NCL: variants seen among roughly 807,000 people sequenced by gnomAD.
NCL encodes nucleolin multifunctional protein.
NCL carries 4 observed loss-of-function variants against 77.7 expected under a neutral mutation model. The observed-to-expected ratio is 0.05, with a 90% confidence interval of 0.03 to 0.12. NCL has a LOEUF of 0.12. NCL is among the 10% of genes least tolerant of loss of function. The probability of loss-of-function intolerance (pLI) is 1.00; values close to 1 mark genes in which losing one functional copy is unlikely to be tolerated. For missense variants in NCL, 763 were observed against 860.9 expected (o/e 0.89, Z 1.42); for synonymous variants, 344 against 297.8 (o/e 1.16, Z -1.60).
In NCL at chr2:231,458,933, T is replaced by C. The variant is rs144607312; in HGVS notation, c.1165+68A>G. 9.1e-5 allele frequency: 128 copies of C among 1,411,268 alleles called. No homozygotes were observed. In the African/African-American group the frequency reaches 1.4e-3, roughly 16 times the overall value. 87.4% of individuals were successfully genotyped at this position (1,411,268 alleles called of 1,614,324 possible). ...ATAAGAGGAAACCAAGGGAAATGGG[T>C]TACAAAGCATTTTCCCTAGCAGTCT... On this transcript the variant is annotated intron_variant, in intron 7 of 13. Transcript: ENST00000322723.
At chr2:231,463,722 A>C (rs892619468) in intron 1 of NCL, 3 of 181,062 alleles carry the variant, frequency 1.7e-5, no homozygotes, top group Non-Finnish European at 3.5e-5. Flanking sequence ...CATGAAGCTT[A>C]TGCCTTTCCC....
chr2:231,462,106 A>T (rs1016390788), intron 2 of NCL, 89 bp from the exon 3 acceptor site: 35 of 1,508,972 alleles, frequency 2.3e-5, no homozygotes, highest in Non-Finnish European at 2.8e-5. Context: ...GACTCTGGCA[A>T]TGCCTCTGGT....
At position 231,455,106 on chromosome 2, in the gene NCL, A is replaced by G. The variant is rs2046871255; in HGVS notation, c.*85T>C. ...CTGTATACTGTCTTGGAATGTCCTC[A>G]GAAGGCTCTGTCATTGATCAGGTAA... is the stretch of plus-strand genomic sequence containing the variant. On this transcript the variant is annotated 3_prime_UTR_variant, in exon 14 of 14. Transcript: ENST00000322723. The G allele has an allele frequency of 2.1e-6, 3 of 1,457,558 alleles. No homozygotes were observed. Among genetic ancestry groups the G allele is most frequent in the South Asian group, 2.3e-5 (2 of 86,474 alleles). 90.3% of individuals were successfully genotyped at this position (1,457,558 alleles called of 1,614,324 possible). A position where few individuals can be genotyped will look rare whatever the true frequency, so the allele number is the denominator to read the frequency against.
rs938208335 is a variant in NCL, at chr2:231,464,434, G to A, written c.-81C>T. ...AGCGACGGCGATGGCGGCCGCGGGT[G>A]CTGAAGATCCCGGAGCACGTACACC... is the stretch of plus-strand genomic sequence containing the variant. On this transcript the variant is annotated 5_prime_UTR_variant, in exon 1 of 14. Coordinates refer to ENST00000322723, the MANE Select transcript of NCL (RefSeq NM_005381.3). The A allele has an allele frequency of 2.8e-4, 432 of 1,540,466 alleles. 2 individuals are homozygous for A. Among genetic ancestry groups the A allele is most frequent in the Non-Finnish European group, 8.5e-5 (96 of 1,133,912 alleles).
intron 8 of NCL, 28 bp downstream of exon 8, chr2:231,458,238 C>A: frequency 6.3e-7 from 1 of 1,594,966 alleles, no homozygotes; most frequent in Non-Finnish European, 8.5e-7. Flanking sequence ...GTTAATAAAA[C>A]CCTTACATTT....
At chr2:231,462,873 C>A (rs6437017) in intron 2 of NCL, 177,347 of 342,086 alleles carry the variant, frequency 0.52, 47,110 homozygotes, top group East Asian at 0.74. Context: ...TTATCCTCAG[C>A]TCTGAATACA....
At position 231,464,357 on chromosome 2, in the gene NCL, G is replaced by A. The variant is rs1469550716; in HGVS notation, c.-4C>T. The A allele has an allele frequency of 1.9e-6, 3 of 1,602,042 alleles. No individual in the cohort carries two copies. The highest frequency in any genetic ancestry group is 2.3e-5 in the East Asian group (1 of 44,296). On this transcript the variant is annotated 5_prime_UTR_variant, in exon 1 of 14. Transcript: ENST00000322723. ...TTACCTTCGCGAGCTTCACCATGATGGCGGCGGAGTGTGAAGCGGACAAGT... is the reference window on the plus strand; with the variant it reads ...TTACCTTCGCGAGCTTCACCATGATAGCGGCGGAGTGTGAAGCGGACAAGT...
chr2:231,458,978 T>C (rs1324064960), intron 7 of NCL, 23 bp downstream of exon 7: 13 of 1,542,958 alleles, frequency 8.4e-6, no homozygotes, highest in Admixed American at 2.2e-5. Context: ...GTTCATTGCA[T>C]AATCTCATAA....
chr2:231,461,552 C>A lies in NCL; in HGVS notation c.601G>T (p.Asp201Tyr), dbSNP rs144748001. Residue 201 changes from aspartate (D) to tyrosine (Y), a missense_variant, in exon 3 of 14, where the codon GAT becomes TAT. Coordinates refer to ENST00000322723, the MANE Select transcript of NCL (RefSeq NM_005381.3). ...GACAACTCCTTACCATCTTCCTCAT[C>A]GTCATCGTCATCCTCATCATCTTCG... ...DDEDDEDDDD[D>Y]EEDDSEEEAM... 3 of 1,613,082 alleles carry A rather than the reference C, an allele frequency of 1.9e-6. No individual in the cohort carries two copies. Among genetic ancestry groups the A allele is most frequent in the Admixed American group, 1.7e-5 (1 of 59,994 alleles).
Position 231,460,562 on chromosome 2 carries a change from G to C in NCL, c.814C>G (p.Pro272Ala). Reference sequence around the variant, plus strand: ...CGTTTTCCAGGTGCTTCTTTGACAGGCTCTGGACAAGATGTCAAACAATGT... The same window carrying C: ...CGTTTTCCAGGTGCTTCTTTGACAGCCTCTGGACAAGATGTCAAACAATGT... ...EEEEEEEEEE[P>A]VKEAPGKRKK... The change falls in exon 5 of 14, where the codon CCT becomes GCT. Residue 272 changes from proline (P) to alanine (A), a missense_variant and splice_region_variant. By Grantham distance (27) the Pro-to-Ala change is conservative (BLOSUM62 -1). Around this residue, in one of 2 missense-constraint regions of NCL, gnomAD observed 590 missense variants for 570.5 expected, o/e 1.03. Transcript: ENST00000322723. 6.2e-7 allele frequency: 1 copy of C among 1,614,060 alleles called. No homozygotes were observed. The highest frequency in any genetic ancestry group is 8.5e-7 in the Non-Finnish European group (1 of 1,180,000).
At chr2:231,460,000 C>T (rs1294069930) in intron 6 of NCL, 152 bp downstream of exon 6, 2 of 886,694 alleles carry the variant, frequency 2.3e-6, no homozygotes, top group Non-Finnish European at 3.4e-6. Flanking sequence ...AGGGGATCTA[C>T]AGTTTAATTC....
At position 231,454,479 on chromosome 2, in the gene NCL, T is replaced by C. The variant is rs745849540; in HGVS notation, c.*712A>G. On this transcript the variant is annotated 3_prime_UTR_variant, in exon 14 of 14. Coordinates refer to ENST00000322723, the MANE Select transcript of NCL (RefSeq NM_005381.3). ...TCCTTGTCCTAGGAAACCTGACTAATCTGTTCCTGCACCTCTTTCCAGAGT... is the reference window on the plus strand; with the variant it reads ...TCCTTGTCCTAGGAAACCTGACTAACCTGTTCCTGCACCTCTTTCCAGAGT... 2 of 152,358 alleles carry C rather than the reference T, an allele frequency of 1.3e-5. No individual in the cohort carries two copies. The highest frequency in any genetic ancestry group is 4.8e-5 in the African/African-American group (2 of 41,466). The allele number at this position is 152,358 out of a possible 1,614,324, so 9.4% of individuals were successfully genotyped here.
At position 231,459,467 on chromosome 2, in the gene NCL, A is replaced by T. The variant is rs536359197; in HGVS notation, c.1041-342T>A. Among the ~76,000 whole-genome samples, 3 of 152,270 alleles carry T rather than the reference A, an allele frequency of 2.0e-5. No homozygotes were observed. The South Asian group carries it at 6.2e-4, about 32-fold the overall frequency. On this transcript the variant is annotated intron_variant, in intron 6 of 13. Coordinates refer to ENST00000322723, the MANE Select transcript of NCL (RefSeq NM_005381.3). ...ACTATGATGACTAGACAGGTCTAATAGTTTCAGGTACTTCCAAGAAAATAA... is the reference window on the plus strand; with the variant it reads ...ACTATGATGACTAGACAGGTCTAATTGTTTCAGGTACTTCCAAGAAAATAA...
At chr2:231,463,354 C>G (rs1206898139) in intron 1 of NCL, 38 bp from the exon 2 acceptor site, 2 of 1,334,960 alleles carry the variant, frequency 1.5e-6, no homozygotes, top group Non-Finnish European at 2.1e-6. Flanking sequence ...ACCTCCACCT[C>G]GACATTTCAG....
intron 13 of NCL, 51 bp downstream of exon 13, chr2:231,455,344 GGGCACA>G: frequency 1.2e-6 from 2 of 1,613,400 alleles, no homozygotes; most frequent in Non-Finnish European, 1.7e-6. Context: ...AACCGTGACA[GGGCACA>G]GGGTCTGAAG....
Position 231,459,145 on chromosome 2 carries a change from GC to G in NCL, c.1041-21del. On this transcript the variant is annotated intron_variant, in intron 6 of 13. Coordinates refer to ENST00000322723, the MANE Select transcript of NCL (RefSeq NM_005381.3). ...AATTTCCTTCAAGGTGGAGAGGAGGGCAAAATTACAACAGGTGAAAACACAA... is the reference window on the plus strand; with the variant it reads ...AATTTCCTTCAAGGTGGAGAGGAGGGAAAATTACAACAGGTGAAAACACAA... 1 of 1,527,650 alleles carries G rather than the reference GC, an allele frequency of 6.5e-7. No individual in the cohort carries two copies. The highest frequency in any genetic ancestry group is 8.8e-7 in the Non-Finnish European group (1 of 1,142,022). 94.6% of individuals were successfully genotyped at this position (1,527,650 alleles called of 1,614,324 possible). A position where few individuals can be genotyped will look rare whatever the true frequency, so the allele number is the denominator to read the frequency against.
Position 231,458,512 on chromosome 2 carries a change from A to G in NCL, c.1166-123T>C, listed in dbSNP as rs2046913494. The stretch of plus-strand genomic sequence containing the variant: ...CAAATAATTTGAGATCCTATAATGT[A>G]CAAGGCTCGGTGCTAAATATGGAGA... On this transcript the variant is annotated intron_variant, in intron 7 of 13. Transcript: ENST00000322723. 6.4e-6 allele frequency: 8 copies of G among 1,256,022 alleles called. No individual in the cohort carries two copies. The South Asian group carries it at 1.0e-4, about 16-fold the overall frequency. The allele number at this position is 1,256,022 out of a possible 1,614,324, so 77.8% of individuals were successfully genotyped here.
At chr2:231,459,855 C>T (rs2046929207) in intron 6 of NCL, among the ~76,000 whole-genome samples, 1 of 151,772 alleles carries the variant, frequency 6.6e-6, no homozygotes, top group Admixed American at 6.6e-5. Flanking sequence ...TGCAGTGAGC[C>T]AAGATTGCGC....
intron 3 of NCL, 64 bp from the exon 4 acceptor site, chr2:231,460,930 A>T (rs1251255689): frequency 8.6e-6 from 11 of 1,284,276 alleles, no homozygotes; most frequent in South Asian, 1.2e-5. Flanking sequence ...TTTCAAATCT[A>T]ATGTAAAGAA....
Sources: gnomAD v4.1 joint callset for allele counts (sites outside exome capture counted in the v4.1 genomes callset) on GRCh38, gnomAD v4.1.1 for gene constraint, gnomAD v4.1.1 regional missense constraint, MANE v1.5 for transcripts, NCBI Gene and HGNC (gene_info 2026-07-23, HGNC 2026-07-21) for gene names.